ATP7A: variants seen among roughly 807,000 people sequenced by gnomAD.
ATP7A encodes the protein ATPase copper transporting alpha, also known as copper-transporting ATPase 1.
Under a neutral mutation model 83.5 loss-of-function variants are expected in ATP7A, and 7 were observed. That is an observed-to-expected ratio of 0.08 (90% CI 0.05 to 0.16). The LOEUF (loss-of-function observed/expected upper bound fraction) is 0.16, where lower values mean the gene tolerates loss of function less well. Among genes scored for constraint, ATP7A ranks in the 10% least tolerant of loss-of-function variants. ATP7A has a pLI of 1.00. For synonymous variants in ATP7A, 354 were observed against 395.2 expected, an observed-to-expected ratio of 0.90 and a Z score of 1.24; for missense variants, 940 against 1,120.8, an observed-to-expected ratio of 0.84 and a Z score of 2.30.
rs1043027923 is a variant in ATP7A, at chrX:77,962,113, A to T, written c.-21-9508A>T. Among the ~76,000 whole-genome samples, 13 of 111,607 alleles carry T rather than the reference A, an allele frequency of 1.2e-4. No individual in the cohort carries two copies. In the East Asian group the frequency reaches 3.4e-3, roughly 29 times the overall value. On this transcript the variant is annotated intron_variant, in intron 1 of 22. Transcript: ENST00000341514. ...TCTTCAGACTTGAAAACTTGTACAC[A>T]AAAGGACACTATCAAGAGAATGGAG...
chrX:77,929,495 C>G lies in ATP7A; in HGVS notation c.-22+18660C>G, dbSNP rs187446946. ...CATTCATTAACTTATTTGTATTAGG[C>G]AAAGGAGCTCTCACTATGTCTTCGA... is the stretch of plus-strand genomic sequence containing the variant. On this transcript the variant is annotated intron_variant, in intron 1 of 22. Coordinates refer to ENST00000341514, the MANE Select transcript of ATP7A (RefSeq NM_000052.7). Among the ~76,000 whole-genome samples, 72 of 111,813 alleles carry G rather than the reference C, an allele frequency of 6.4e-4. No homozygotes were observed. The East Asian group carries it at 0.018, about 28-fold the overall frequency.
chrX:77,931,921 G>T lies in ATP7A; in HGVS notation c.-22+21086G>T, dbSNP rs1313575893. ...CGGGCAGAGGCGCCCCTCACCTCCC[G>T]GACCGGGCGGCTGGCTGGGCGGGGG... is the stretch of plus-strand genomic sequence containing the variant. On this transcript the variant is annotated intron_variant, in intron 1 of 22. Coordinates refer to ENST00000341514, the MANE Select transcript of ATP7A (RefSeq NM_000052.7). 1.1e-4 allele frequency among the ~76,000 whole-genome samples: 10 copies of T among 88,274 alleles called. No homozygotes were observed. In the East Asian group the frequency reaches 4.0e-3, roughly 35 times the overall value. 76.7% of individuals were successfully genotyped at this position (88,274 alleles called of 115,157 possible).
In ATP7A at chrX:78,043,349, C is replaced by A. The variant is rs375819425; in HGVS notation, c.4038C>A (p.Asp1346Glu). The change falls in exon 21 of 23, where the codon GAC (aspartate) becomes GAA (glutamate). Residue 1346 changes from aspartate to glutamate, a missense_variant. Coordinates refer to ENST00000341514, the MANE Select transcript of ATP7A (RefSeq NM_000052.7). ...TTCTGGATGTAGTGGCAAGTATTGA[C>A]TTATCAAGAAAGACAGTCAAGAGGA... ...NDLLDVVASI[D>E]LSRKTVKRIR... The A allele has an allele frequency of 4.1e-6, 5 of 1,207,386 alleles. No homozygotes were observed. The highest frequency in any genetic ancestry group is 5.6e-6 in the Non-Finnish European group (5 of 891,739).
chrX:78,020,270 C>A lies in ATP7A; in HGVS notation c.2653C>A (p.Pro885Thr). The change falls in exon 13 of 23, where the codon CCT becomes ACT. Residue 885 changes from proline (P) to threonine (T), a missense_variant. Transcript: ENST00000341514. The part of the protein sequence containing the change: ...TGEAMPVAKK[P>T]GSTVIAGSIN... The stretch of plus-strand genomic sequence containing the variant: ...GGAGGCAATGCCTGTGGCTAAGAAA[C>A]CTGGCAGCACAGTGATTGCTGGTTC... 1 of 1,211,667 alleles carries A rather than the reference C, an allele frequency of 8.3e-7. No individual in the cohort carries two copies. Among genetic ancestry groups the A allele is most frequent in the Non-Finnish European group, 1.1e-6 (1 of 895,345 alleles).
Position 78,003,253 on chromosome X carries a change from G to T in ATP7A, c.1707+17G>T. 8.3e-7 allele frequency: 1 copy of T among 1,200,625 alleles called. No homozygotes were observed. The highest frequency in any genetic ancestry group is 1.1e-6 in the Non-Finnish European group (1 of 886,010). On this transcript the variant is annotated intron_variant, in intron 6 of 22. Transcript: ENST00000341514. ...GAACTTGTTGTAAGTAAGATTTTTT[G>T]TGTGATTAATAAAACTTCCAGAAAA...
intron 1 of ATP7A, among the ~76,000 whole-genome samples, chrX:77,967,497 T>C (rs1452266510): frequency 4.4e-5 from 5 of 112,399 alleles, no homozygotes; most frequent in African/African-American, 1.6e-4. Flanking sequence ...ATTTCTCTGA[T>C]GATCTGTGAT....
rs1250564774 is a variant in ATP7A, at chrX:78,020,416, G to A, written c.2781+18G>A. On this transcript the variant is annotated intron_variant, in intron 13 of 22. Coordinates refer to ENST00000341514, the MANE Select transcript of ATP7A (RefSeq NM_000052.7). ...CATCAAAGGTAACTTAACTCCCTAGGAGAAACACAAACTATTTTCTTTAAA... is the reference window on the plus strand; with the variant it reads ...CATCAAAGGTAACTTAACTCCCTAGAAGAAACACAAACTATTTTCTTTAAA... 8.3e-7 allele frequency: 1 copy of A among 1,203,607 alleles called. No homozygotes were observed. The highest frequency in any genetic ancestry group is 2.2e-5 in the Admixed American group (1 of 46,070).
intron 1 of ATP7A, among the ~76,000 whole-genome samples, chrX:77,955,906 T>C (rs1159990582): frequency 1.8e-5 from 2 of 108,704 alleles, no homozygotes; most frequent in Non-Finnish European, 1.9e-5. Context: ...TGTCTTTCTG[T>C]GTCTGGCTTA....
At chrX:77,971,811 A>G in intron 2 of ATP7A, 50 bp downstream of exon 2, 1 of 1,170,951 alleles carries the variant, frequency 8.5e-7, no homozygotes, top group Non-Finnish European at 1.2e-6. Flanking sequence ...AGAGAATTCT[A>G]CTAGAAATTA....
At chrX:77,931,354 C>G (rs1227432441) in intron 1 of ATP7A, among the ~76,000 whole-genome samples, 1 of 111,325 alleles carries the variant, frequency 9.0e-6, no homozygotes, top group Non-Finnish European at 1.9e-5. Flanking sequence ...GAGCAGGATC[C>G]CAAGGCAGAA....
chrX:78,009,354 GA>G (rs782447825), intron 7 of ATP7A, 91 bp downstream of exon 7: 13 of 1,001,040 alleles, frequency 1.3e-5, no homozygotes, highest in South Asian at 5.8e-5. Context: ...TAGAGGCAAT[GA>G]AAAAAAATCT....
chrX:77,956,154 TACCC>T (rs2077439879), intron 1 of ATP7A, among the ~76,000 whole-genome samples: 1 of 111,835 alleles, frequency 8.9e-6, no homozygotes, highest in African/African-American at 3.2e-5. Flanking sequence ...TTTGAATAAA[TACCC>T]AGTAGTGGGA....
intron 1 of ATP7A, among the ~76,000 whole-genome samples, chrX:77,919,611 C>A (rs781922336): frequency 8.9e-6 from 1 of 112,345 alleles, no homozygotes; most frequent in Non-Finnish European, 1.9e-5. Flanking sequence ...CTGCCTCAGC[C>A]CCCTGAGTAG....
chrX:77,931,620 G>A (rs1279939434), intron 1 of ATP7A, among the ~76,000 whole-genome samples: 79 of 98,285 alleles, frequency 8.0e-4, no homozygotes, highest in African/African-American at 1.7e-3. Flanking sequence ...CCTCCCGGAC[G>A]GGGCGGCTGG....
chrX:78,038,747 G>A, intron 17 of ATP7A, 89 bp from the exon 18 acceptor site: 1 of 1,020,997 alleles, frequency 9.8e-7, no homozygotes, highest in Non-Finnish European at 1.4e-6. Context: ...TGTAGTGACT[G>A]TGCAAGGTTA....
chrX:77,963,502 TG>T lies in ATP7A; in HGVS notation c.-21-8118del, dbSNP rs1302758291. The T allele has an allele frequency of 2.7e-5, 3 of 112,673 alleles. No individual in the cohort carries two copies. The South Asian group carries it at 1.1e-3, about 41-fold the overall frequency. The allele number at this position is 112,673 out of a possible 1,213,427, so 9.3% of individuals were successfully genotyped here. ...AAAAATGTATGAATCAGGACTTTGT[TG>T]ACTTGAAGGAAAATGTTATCTTTTT... On this transcript the variant is annotated intron_variant, in intron 1 of 22. Transcript: ENST00000341514.
intron 1 of ATP7A, among the ~76,000 whole-genome samples, chrX:77,915,981 A>G (rs1252720478): frequency 2.7e-5 from 3 of 111,850 alleles, no homozygotes; most frequent in Admixed American, 9.4e-5. Flanking sequence ...TCAGCCTCCC[A>G]AAGTGCTGGG....
chrX:77,995,936 G>A (rs953714181), intron 4 of ATP7A, among the ~76,000 whole-genome samples: 7 of 110,982 alleles, frequency 6.3e-5, no homozygotes, highest in African/African-American at 1.6e-4. Flanking sequence ...TAGTAGAGAC[G>A]GGGTTTCACC....
chrX:78,011,877 T>C, intron 9 of ATP7A: 1 of 464,541 alleles, frequency 2.2e-6, no homozygotes, highest in Non-Finnish European at 3.8e-6. Flanking sequence ...AGAGTTCAAG[T>C]TTTTTGGGTT....
Sources: gnomAD v4.1 joint callset for allele counts (sites outside exome capture counted in the v4.1 genomes callset) on GRCh38, gnomAD v4.1.1 for gene constraint, MANE v1.5 for transcripts, NCBI Gene and HGNC (gene_info 2026-07-23, HGNC 2026-07-21) for gene names.